The following ARHGAP5 variants were observed in gnomAD, a reference collection of about 807,000 sequenced individuals.
The protein encoded by ARHGAP5 is rho GTPase-activating protein 5.
A neutral mutation model predicts 116.6 loss-of-function variants in ARHGAP5; 23 were observed. The ratio of observed to expected loss-of-function variants is 0.20; its 90% CI spans 0.14 to 0.28. ARHGAP5 has a LOEUF of 0.28. Among genes scored for constraint, ARHGAP5 ranks in the 10% least tolerant of loss-of-function variants. The probability of loss-of-function intolerance (pLI) is 1.00; values close to 1 mark genes in which losing one functional copy is unlikely to be tolerated. For missense variants in ARHGAP5, 1,405 were observed against 1,774.8 expected, an observed-to-expected ratio of 0.79 and a Z score of 3.74; for synonymous variants, 574 against 602.0, an observed-to-expected ratio of 0.95 and a Z score of 0.68.
chr14:32,153,556 T>G (rs2139155155), intron 6 of ARHGAP5, among the ~76,000 whole-genome samples: 1 of 126,418 alleles, frequency 7.9e-6, no homozygotes. Flanking sequence ...CACTGCAACC[T>G]CCGCCTCCTG....
chr14:32,148,788 G>C (rs1881508415), intron 4 of ARHGAP5, among the ~76,000 whole-genome samples: 1 of 152,046 alleles, frequency 6.6e-6, no homozygotes, highest in Non-Finnish European at 1.5e-5. Context: ...CTTCTCTCTA[G>C]GTGATGGGGA....
At position 32,090,942 on chromosome 14, in the gene ARHGAP5, T is replaced by C. The variant is rs1307960180; in HGVS notation, c.273T>C (p.His91=). 5.0e-6 allele frequency: 8 copies of C among 1,613,586 alleles called. No individual in the cohort carries two copies. The highest frequency in any genetic ancestry group is 1.3e-5 in the African/African-American group (1 of 74,914). ...NSEDGVECKI[H]VIEQTEFIDD... is the part of the protein sequence containing the mutation. ...AAGATGGAGTAGAATGCAAAATTCA[T>C]GTCATTGAACAAACAGAGTTCATTG... Residue 91 remains histidine, a synonymous_variant, in exon 2 of 7, where the codon CAT becomes CAC. Coordinates refer to ENST00000345122, the MANE Select transcript of ARHGAP5 (RefSeq NM_001030055.2).
intron 3 of ARHGAP5, among the ~76,000 whole-genome samples, chr14:32,125,434 T>C (rs1880102245): frequency 6.6e-6 from 1 of 152,260 alleles, no homozygotes; most frequent in African/African-American, 2.4e-5. Context: ...AACAGTCTGC[T>C]GTGAACATTC....
intron 3 of ARHGAP5, among the ~76,000 whole-genome samples, chr14:32,117,565 G>A (rs112927996): frequency 8.5e-5 from 13 of 152,166 alleles, no homozygotes; most frequent in African/African-American, 3.1e-4. Context: ...ACTTTATTAA[G>A]TTATGCTATT....
intron 1 of ARHGAP5, among the ~76,000 whole-genome samples, chr14:32,080,480 AAAAC>A (rs1229832051): frequency 2.0e-5 from 3 of 152,158 alleles, no homozygotes; most frequent in Admixed American, 2.0e-4. Flanking sequence ...CCCTTAAAAA[AAAAC>A]AAAACTGATC....
intron 1 of ARHGAP5, among the ~76,000 whole-genome samples, chr14:32,080,896 G>C (rs925464811): frequency 6.6e-6 from 1 of 152,038 alleles, no homozygotes; most frequent in African/African-American, 2.4e-5. Flanking sequence ...ATTATTACTT[G>C]GGAAAAAGAG....
At chr14:32,106,962 C>T (rs903330514) in intron 2 of ARHGAP5, among the ~76,000 whole-genome samples, 1 of 152,134 alleles carries the variant, frequency 6.6e-6, no homozygotes, top group African/African-American at 2.4e-5. Context: ...TGTCCCTGAC[C>T]TCATCCATTC....
intron 3 of ARHGAP5, among the ~76,000 whole-genome samples, chr14:32,137,945 C>T (rs938896054): frequency 2.7e-5 from 4 of 147,440 alleles, no homozygotes; most frequent in Non-Finnish European, 5.9e-5. Flanking sequence ...GCACTCCAGC[C>T]TGGGGACAAG....
intron 2 of ARHGAP5, among the ~76,000 whole-genome samples, chr14:32,104,877 T>TC (rs1272408863): frequency 1.3e-5 from 2 of 152,202 alleles, no homozygotes; most frequent in African/African-American, 4.8e-5. Flanking sequence ...ACAGTGGCTA[T>TC]CAACCAGGGT....
chr14:32,100,744 C>CTAT (rs1330064599), intron 2 of ARHGAP5, among the ~76,000 whole-genome samples: 1 of 152,094 alleles, frequency 6.6e-6, no homozygotes, highest in Non-Finnish European at 1.5e-5. Flanking sequence ...ATTTTCTAGT[C>CTAT]TATTACAGTG....
At chr14:32,100,339 A>G (rs979374564) in intron 2 of ARHGAP5, among the ~76,000 whole-genome samples, 6 of 152,166 alleles carry the variant, frequency 3.9e-5, no homozygotes, top group African/African-American at 1.2e-4. Flanking sequence ...AGCCAGGACT[A>G]CAGGTATTAG....
chr14:32,096,414 A>C (rs965380013), intron 2 of ARHGAP5, among the ~76,000 whole-genome samples: 2 of 152,206 alleles, frequency 1.3e-5, no homozygotes, highest in Non-Finnish European at 2.9e-5. Flanking sequence ...GATTATTTGA[A>C]AAGACTAAAA....
intron 1 of ARHGAP5, among the ~76,000 whole-genome samples, chr14:32,082,157 C>T (rs1252977190): frequency 2.0e-5 from 3 of 152,192 alleles, no homozygotes; most frequent in Non-Finnish European, 4.4e-5. Context: ...CCTAATAAGC[C>T]ACAGATGGTT....
intron 3 of ARHGAP5, among the ~76,000 whole-genome samples, chr14:32,120,108 A>AT (rs1879807907): frequency 6.6e-6 from 1 of 152,070 alleles, no homozygotes; most frequent in Non-Finnish European, 1.5e-5. Context: ...GAGGTTTTTA[A>AT]TTTAAGTTTC....
At chr14:32,154,187 G>C (rs1374677856) in intron 6 of ARHGAP5, 1 of 158,448 alleles carries the variant, frequency 6.3e-6, no homozygotes, top group East Asian at 1.9e-4. Flanking sequence ...CTTCACTCTT[G>C]TTGCCCAGGC....
chr14:32,096,102 C>T (rs1566663637), intron 2 of ARHGAP5, among the ~76,000 whole-genome samples: 2 of 150,772 alleles, frequency 1.3e-5, no homozygotes, highest in Non-Finnish European at 2.9e-5. Flanking sequence ...TGTGTGTGTG[C>T]GTGCGCACGT....
intron 3 of ARHGAP5, among the ~76,000 whole-genome samples, chr14:32,128,700 A>G (rs1880324517): frequency 6.6e-6 from 1 of 152,212 alleles, no homozygotes; most frequent in Admixed American, 6.5e-5. Context: ...ACCCCCTTGC[A>G]TTCCTGGAAT....
intron 2 of ARHGAP5, among the ~76,000 whole-genome samples, chr14:32,102,849 G>A (rs1878852454): frequency 6.6e-6 from 1 of 152,190 alleles, no homozygotes; most frequent in African/African-American, 2.4e-5. Flanking sequence ...AAGCATTTTG[G>A]TAAATGCCTA....
intron 3 of ARHGAP5, among the ~76,000 whole-genome samples, chr14:32,138,447 C>T (rs979449740): frequency 1.3e-5 from 2 of 152,074 alleles, no homozygotes. Context: ...CTGCACCTGG[C>T]TAGTTTTTAT....
Sources: allele counts gnomAD v4.1 joint callset (sites outside exome capture counted in the v4.1 genomes callset), GRCh38; gene constraint gnomAD v4.1.1; transcripts MANE v1.5; gene names NCBI Gene and HGNC (gene_info 2026-07-23, HGNC 2026-07-21).